The following TOGARAM1 variants were observed in gnomAD, a reference collection of about 807,000 sequenced individuals.
TOGARAM1 encodes TOG array regulator of axonemal microtubules protein 1.
In TOGARAM1, 100 loss-of-function variants were observed where a neutral mutation model predicts 166.6. The ratio of observed to expected loss-of-function variants is 0.60; its 90% CI spans 0.51 to 0.71. The LOEUF (loss-of-function observed/expected upper bound fraction) is 0.71. Ranked by LOEUF, TOGARAM1 falls within the 30% of genes least tolerant of loss-of-function variation. The pLI, the probability that TOGARAM1 is intolerant of heterozygous loss-of-function variation, is 0.00. For synonymous variants in TOGARAM1, 758 were observed against 763.8 expected (o/e 0.99, Z 0.13); for missense variants, 2,029 against 2,102.7 (o/e 0.96, Z 0.69).
intron 16 of TOGARAM1, among the ~76,000 whole-genome samples, chr14:45,059,842 G>A (rs57264888): frequency 0.017 from 2,633 of 151,894 alleles, 87 homozygotes; most frequent in African/African-American, 0.06. Context: ...TATGCTTTGG[G>A]ACCTTGATAT....
intron 1 of TOGARAM1, among the ~76,000 whole-genome samples, chr14:44,967,288 T>C (rs753995653): frequency 4.1e-4 from 62 of 152,138 alleles, no homozygotes; most frequent in Non-Finnish European, 7.6e-4. Context: ...GAATCTCCCT[T>C]CGTTCACAAT....
intron 7 of TOGARAM1, among the ~76,000 whole-genome samples, chr14:45,016,583 G>A (rs1164327139): frequency 6.6e-6 from 1 of 152,158 alleles, no homozygotes; most frequent in Admixed American, 6.5e-5. Context: ...TTTTGATGGA[G>A]GTGGGGGCTT....
chr14:45,026,217 T>G (rs1186209886), intron 8 of TOGARAM1, among the ~76,000 whole-genome samples: 1 of 152,160 alleles, frequency 6.6e-6, no homozygotes, highest in Admixed American at 6.6e-5. Context: ...CAATATAAAT[T>G]AATATAATTA....
Position 45,059,811 on chromosome 14 carries a change from A to C in TOGARAM1, c.4559+5262A>C, listed in dbSNP as rs189305977. Reference sequence around the variant, plus strand: ...ATAAACTAAAGTAATGACATAAAAAATAAAGCTGTATGTGAAAATATATGC... The same window carrying C: ...ATAAACTAAAGTAATGACATAAAAACTAAAGCTGTATGTGAAAATATATGC... On this transcript the variant is annotated intron_variant, in intron 16 of 19. Transcript: ENST00000361462. 2.0e-5 allele frequency among the ~76,000 whole-genome samples: 3 copies of C among 152,348 alleles called. No individual in the cohort carries two copies. The East Asian group carries it at 5.8e-4, about 29-fold the overall frequency.
At chr14:45,011,742 A>C in intron 6 of TOGARAM1, 1 of 377,898 alleles carries the variant, frequency 2.6e-6, no homozygotes, top group Non-Finnish European at 4.8e-6. Context: ...TATGTTAAAA[A>C]GGTTGGTAGT....
chr14:45,003,762 C>T (rs1229221394), intron 3 of TOGARAM1, among the ~76,000 whole-genome samples: 1 of 152,080 alleles, frequency 6.6e-6, no homozygotes, highest in Admixed American at 6.5e-5. Flanking sequence ...CAAGACTTCT[C>T]TGACATGTGT....
chr14:44,974,295 C>G (rs1190461612), intron 1 of TOGARAM1, among the ~76,000 whole-genome samples: 3 of 151,874 alleles, frequency 2.0e-5, no homozygotes, highest in African/African-American at 4.8e-5. Flanking sequence ...ACTAATGAGC[C>G]CATTAAAGGC....
intron 16 of TOGARAM1, among the ~76,000 whole-genome samples, chr14:45,056,974 G>A (rs1882671454): frequency 6.6e-6 from 1 of 151,166 alleles, no homozygotes; most frequent in African/African-American, 2.4e-5. Flanking sequence ...TTGTTTGTTT[G>A]TTTATTGTAC....
At chr14:44,992,967 A>C (rs963891728) in intron 1 of TOGARAM1, among the ~76,000 whole-genome samples, 1 of 151,606 alleles carries the variant, frequency 6.6e-6, no homozygotes, top group Non-Finnish European at 1.5e-5. Context: ...AAATAGAAAG[A>C]CTAAGAGATA....
intron 10 of TOGARAM1, among the ~76,000 whole-genome samples, chr14:45,029,072 C>T (rs1881021457): frequency 6.6e-6 from 1 of 151,984 alleles, no homozygotes; most frequent in Admixed American, 6.6e-5. Flanking sequence ...CTTTTATTTC[C>T]ATTATAATGC....
intron 1 of TOGARAM1, among the ~76,000 whole-genome samples, chr14:44,965,977 C>T (rs1390245993): frequency 6.8e-6 from 1 of 148,074 alleles, no homozygotes; most frequent in South Asian, 2.1e-4. Context: ...CAGGGTCAAA[C>T]GATTCTCCCA....
intron 1 of TOGARAM1, among the ~76,000 whole-genome samples, chr14:44,977,297 T>A (rs1255198548): frequency 6.7e-6 from 1 of 150,144 alleles, no homozygotes; most frequent in Non-Finnish European, 1.5e-5. Context: ...TGTAGTAGTG[T>A]GATCTCAGCT....
intron 7 of TOGARAM1, among the ~76,000 whole-genome samples, chr14:45,022,362 C>T (rs1880570912): frequency 6.8e-6 from 1 of 147,852 alleles, no homozygotes; most frequent in Non-Finnish European, 1.5e-5. Flanking sequence ...ATCTAGTTGC[C>T]AGTCTTCTCC....
chr14:45,001,821 C>G (rs1056801094), intron 3 of TOGARAM1, among the ~76,000 whole-genome samples: 1 of 152,086 alleles, frequency 6.6e-6, no homozygotes. Context: ...CCGTAACTTC[C>G]TAAAAGCTAC....
intron 1 of TOGARAM1, among the ~76,000 whole-genome samples, chr14:44,979,172 T>TTAATAA (rs144833686): frequency 1.6e-4 from 25 of 151,568 alleles, no homozygotes; most frequent in African/African-American, 2.7e-4. Flanking sequence ...TAAGTCACCA[T>TTAATAA]TAATAATAAT....
chr14:45,003,966 A>AT, intron 3 of TOGARAM1, 95 bp from the exon 4 acceptor site: 1 of 965,640 alleles, frequency 1.0e-6, no homozygotes, highest in Non-Finnish European at 1.5e-6. Context: ...GCCAATTGGG[A>AT]TGAAAACCTG....
At chr14:45,027,680 C>T (rs11627990) in intron 9 of TOGARAM1, among the ~76,000 whole-genome samples, 4,646 of 151,840 alleles carry the variant, frequency 0.031, 94 homozygotes, top group Non-Finnish European at 0.046. Flanking sequence ...AAAATTAGCC[C>T]GAGAAAGTAG....
intron 1 of TOGARAM1, among the ~76,000 whole-genome samples, chr14:44,971,836 G>A (rs190972960): frequency 2.1e-3 from 325 of 152,222 alleles, no homozygotes; most frequent in Non-Finnish European, 3.8e-3. Flanking sequence ...AAGTATGTTG[G>A]GGTTTTCCAT....
At chr14:45,040,902 G>C (rs148975431) in intron 11 of TOGARAM1, among the ~76,000 whole-genome samples, 1 of 152,036 alleles carries the variant, frequency 6.6e-6, no homozygotes, top group Non-Finnish European at 1.5e-5. Context: ...GGCCAGGTGT[G>C]GCGGCCCATG....
Sources: gnomAD v4.1 joint callset for allele counts (sites outside exome capture counted in the v4.1 genomes callset) on GRCh38, gnomAD v4.1.1 for gene constraint, MANE v1.5 for transcripts, NCBI Gene and HGNC (gene_info 2026-07-23, HGNC 2026-07-21) for gene names.